Variants in FBXL20 observed in about 807,000 individuals in gnomAD.
The protein encoded by FBXL20 is F-box and leucine rich repeat protein 20.
Under a neutral mutation model 64.0 loss-of-function variants are expected in FBXL20, and 11 were observed. The observed-to-expected ratio is 0.17, with a 90% CI of 0.11 to 0.28. The LOEUF (loss-of-function observed/expected upper bound fraction) is 0.28. Ranked by LOEUF, FBXL20 falls within the 10% of genes least tolerant of loss-of-function variation. The pLI is 1.00. For missense variants in FBXL20, 303 were observed against 526.2 expected (o/e 0.58, Z 4.15); for synonymous variants, 184 against 189.0 (o/e 0.97, Z 0.22).
chr17:39,279,016 G>A (rs929877392), intron 9 of FBXL20, among the ~76,000 whole-genome samples: 7 of 151,578 alleles, frequency 4.6e-5, no homozygotes, highest in Non-Finnish European at 8.8e-5. Flanking sequence ...ATGGTGGCAC[G>A]CCCTGTAATC....
At position 39,261,581 on chromosome 17, in the gene FBXL20, G is replaced by A; in HGVS notation, c.1204-14C>T. On this transcript the variant is annotated splice_polypyrimidine_tract_variant and intron_variant, in intron 14 of 14. Transcript: ENST00000264658. Reference sequence around the variant, plus strand: ...GGGTAAATGGGTCTGAAACAAGACAGAAACATTAAACGTTTAAGAGAGGGC... The same window carrying A: ...GGGTAAATGGGTCTGAAACAAGACAAAAACATTAAACGTTTAAGAGAGGGC... The A allele has an allele frequency of 6.3e-7, 1 of 1,582,906 alleles. No individual in the cohort carries two copies. Among genetic ancestry groups the A allele is most frequent in the East Asian group, 2.2e-5 (1 of 44,614 alleles).
chr17:39,268,747 A>G, intron 12 of FBXL20, 80 bp downstream of exon 12: 2 of 1,207,526 alleles, frequency 1.7e-6, no homozygotes, highest in Non-Finnish European at 2.4e-6. Context: ...ACACTAGGGT[A>G]GGGAATTGCA....
At chr17:39,275,854 G>A (rs2144369659) in intron 9 of FBXL20, among the ~76,000 whole-genome samples, 1 of 152,206 alleles carries the variant, frequency 6.6e-6, no homozygotes, top group South Asian at 2.1e-4. Flanking sequence ...ATCAGCCACA[G>A]CATCCATTTA....
At chr17:39,273,042 T>G (rs192115604) in intron 10 of FBXL20, among the ~76,000 whole-genome samples, 137 of 152,274 alleles carry the variant, frequency 9.0e-4, no homozygotes, top group African/African-American at 3.1e-3. Context: ...AAGGTTTTTT[T>G]GTTTGTTTGT....
chr17:39,316,918 G>GGCGGAGGTTGCAGTGA (rs1258477330), intron 2 of FBXL20, among the ~76,000 whole-genome samples: 2 of 152,220 alleles, frequency 1.3e-5, no homozygotes, highest in South Asian at 4.1e-4. Flanking sequence ...GAACCTGGGA[G>GGCGGAGGTTGCAGTGA]GCGGAGGTTG....
At chr17:39,370,038 G>A (rs1381981846) in intron 1 of FBXL20, among the ~76,000 whole-genome samples, 2 of 152,014 alleles carry the variant, frequency 1.3e-5, no homozygotes, top group Admixed American at 1.3e-4. Flanking sequence ...AGTTGAGCCT[G>A]GGAGTGAGGC....
At chr17:39,374,544 A>G (rs1334326063) in intron 1 of FBXL20, among the ~76,000 whole-genome samples, 1 of 152,116 alleles carries the variant, frequency 6.6e-6, no homozygotes, top group Admixed American at 6.6e-5. Context: ...CCATCTCAAA[A>G]AAAAAAAATT....
At chr17:39,377,250 T>C (rs1301193603) in intron 1 of FBXL20, among the ~76,000 whole-genome samples, 1 of 152,002 alleles carries the variant, frequency 6.6e-6, no homozygotes, top group South Asian at 2.1e-4. Context: ...CATCTGATCT[T>C]GGAGCCCCCA....
At chr17:39,301,300 A>G (rs2047132543) in intron 3 of FBXL20, among the ~76,000 whole-genome samples, 1 of 152,198 alleles carries the variant, frequency 6.6e-6, no homozygotes, top group South Asian at 2.1e-4. Flanking sequence ...AGCAGCTACA[A>G]AAGATCTTAG....
intron 2 of FBXL20, among the ~76,000 whole-genome samples, chr17:39,330,496 C>T (rs2047450436): frequency 6.6e-6 from 1 of 151,942 alleles, no homozygotes; most frequent in African/African-American, 2.4e-5. Flanking sequence ...TGTCTGTAAT[C>T]CCAGCTACTT....
Position 39,285,466 on chromosome 17 carries a change from T to G in FBXL20, c.494+12A>C. 1 of 1,544,768 alleles carries G rather than the reference T, an allele frequency of 6.5e-7. No homozygotes were observed. Among genetic ancestry groups the G allele is most frequent in the Non-Finnish European group, 8.7e-7 (1 of 1,144,338 alleles). ...TTTTGATTACTTGACATGCTTATTA[T>G]AAGAAATTTACCTCAGAGCTTTTAG... On this transcript the variant is annotated intron_variant, in intron 7 of 14. Coordinates refer to ENST00000264658, the MANE Select transcript of FBXL20 (RefSeq NM_032875.3).
At chr17:39,333,606 A>G (rs891040766) in intron 2 of FBXL20, among the ~76,000 whole-genome samples, 1 of 148,044 alleles carries the variant, frequency 6.8e-6, no homozygotes, top group African/African-American at 2.5e-5. Flanking sequence ...CTGGCCACCC[A>G]TCGTCTGGGA....
intron 2 of FBXL20, among the ~76,000 whole-genome samples, chr17:39,313,658 G>A (rs1479454313): frequency 6.7e-6 from 1 of 149,372 alleles, no homozygotes; most frequent in Admixed American, 6.7e-5. Context: ...TTTTTGAGAC[G>A]GAGTTTTGCT....
chr17:39,283,248 G>A (rs1446229869), intron 7 of FBXL20, among the ~76,000 whole-genome samples: 1 of 152,160 alleles, frequency 6.6e-6, no homozygotes, highest in Non-Finnish European at 1.5e-5. Flanking sequence ...ATTACTGGTT[G>A]AGTATCCCTT....
Position 39,292,442 on chromosome 17 carries a change from G to A in FBXL20, c.398+4685C>T, listed in dbSNP as rs2047048193. Among the ~76,000 whole-genome samples, 2 of 140,208 alleles carry A rather than the reference G, an allele frequency of 1.4e-5. 1 individual carries two copies. The allele number at this position is 140,208 out of a possible 152,430, so 92.0% of individuals were successfully genotyped here. A position where few individuals can be genotyped will look rare whatever the true frequency, so the allele number is the denominator to read the frequency against. ...AGGTTGCCCAGGCTTGAGTGCAGTGGCTATTAACAGGCATGATCACAGTGC... is the reference window on the plus strand; with the variant it reads ...AGGTTGCCCAGGCTTGAGTGCAGTGACTATTAACAGGCATGATCACAGTGC... On this transcript the variant is annotated intron_variant, in intron 6 of 14. Coordinates refer to ENST00000264658, the MANE Select transcript of FBXL20 (RefSeq NM_032875.3).
intron 6 of FBXL20, among the ~76,000 whole-genome samples, chr17:39,287,411 T>C (rs549603023): frequency 2.2e-4 from 33 of 152,210 alleles, no homozygotes; most frequent in Non-Finnish European, 3.4e-4. Flanking sequence ...TCATTTCCTT[T>C]TTCTTTTTTT....
intron 14 of FBXL20, among the ~76,000 whole-genome samples, chr17:39,263,189 T>C (rs1195532169): frequency 1.3e-5 from 2 of 151,674 alleles, no homozygotes; most frequent in East Asian, 3.9e-4. Flanking sequence ...GAGACTAGCC[T>C]GGGAAACATA....
At chr17:39,315,739 C>A (rs1373730310) in intron 2 of FBXL20, among the ~76,000 whole-genome samples, 1 of 150,990 alleles carries the variant, frequency 6.6e-6, no homozygotes, top group Admixed American at 6.6e-5. Context: ...AGGACTTTGT[C>A]CGTGCAACAG....
chr17:39,325,290 G>C (rs1345124924), intron 2 of FBXL20, among the ~76,000 whole-genome samples: 2 of 152,174 alleles, frequency 1.3e-5, no homozygotes, highest in Non-Finnish European at 2.9e-5. Context: ...TAGAAAGAAG[G>C]TTGGAGTGGA....
Sources: allele counts gnomAD v4.1 joint callset (sites outside exome capture counted in the v4.1 genomes callset), GRCh38; gene constraint gnomAD v4.1.1; transcripts MANE v1.5; gene names NCBI Gene and HGNC (gene_info 2026-07-23, HGNC 2026-07-21).